The following LRRC7 variants were observed in gnomAD, a reference collection of about 807,000 sequenced individuals.
LRRC7 encodes the protein leucine-rich repeat-containing protein 7.
A neutral mutation model predicts 175.7 loss-of-function variants in LRRC7; 23 were observed. That is an observed-to-expected ratio of 0.13 (90% CI 0.09 to 0.19). LRRC7 has a LOEUF of 0.19. Ranked by LOEUF, LRRC7 falls within the 10% of genes least tolerant of loss-of-function variation. LRRC7 has a pLI of 1.00. For synonymous variants in LRRC7, 685 were observed against 680.9 expected, an observed-to-expected ratio of 1.01 and a Z score of -0.09; for missense variants, 1,354 against 1,904.7, an observed-to-expected ratio of 0.71 and a Z score of 5.38.
chr1:69,972,936 T>TTA (rs930945130), intron 8 of LRRC7, among the ~76,000 whole-genome samples: 18 of 146,324 alleles, frequency 1.2e-4, no homozygotes, highest in Admixed American at 3.5e-4. Context: ...ATATATATAT[T>TTA]TATATATATA....
intron 1 of LRRC7, among the ~76,000 whole-genome samples, chr1:69,582,076 T>A (rs1006810301): frequency 1.3e-5 from 2 of 152,044 alleles, no homozygotes; most frequent in African/African-American, 2.4e-5. Context: ...CATCTTCACA[T>A]TTTTTTTCAC....
At chr1:69,737,436 C>T (rs76798093) in intron 2 of LRRC7, among the ~76,000 whole-genome samples, 8,052 of 152,116 alleles carry the variant, frequency 0.053, 381 homozygotes, top group East Asian at 0.18. Context: ...TGTAGATGTG[C>T]GAGTCCATTA....
chr1:69,893,566 G>C lies in LRRC7; in HGVS notation c.648-37941G>C, dbSNP rs147771113. ...GGAATTGTAATTTTTATTATAAGTA[G>C]AAACTTTGTAGAAGAATTTTATACA... On this transcript the variant is annotated intron_variant, in intron 7 of 26. Transcript: ENST00000651989. Among the ~76,000 whole-genome samples, 504 of 152,118 alleles carry C rather than the reference G, an allele frequency of 3.3e-3. 2 individuals are homozygous for C. The highest frequency in any genetic ancestry group is 0.011 in the African/African-American group (477 of 41,520).
chr1:70,023,413 A>G, intron 17 of LRRC7, 39 bp downstream of exon 17: 1 of 1,507,502 alleles, frequency 6.6e-7, no homozygotes, highest in Non-Finnish European at 8.9e-7. Context: ...TCTCCCATGT[A>G]GAGGCAACCT....
chr1:69,726,857 C>T (rs1446274554), intron 2 of LRRC7, among the ~76,000 whole-genome samples: 1 of 151,938 alleles, frequency 6.6e-6, no homozygotes, highest in Non-Finnish European at 1.5e-5. Context: ...TTCATAGAAT[C>T]TGGTGGTTAA....
At chr1:69,773,362 G>A (rs1049108655) in intron 3 of LRRC7, among the ~76,000 whole-genome samples, 2 of 152,128 alleles carry the variant, frequency 1.3e-5, no homozygotes, top group Admixed American at 6.6e-5. Flanking sequence ...ATGGTTGGGA[G>A]GACTTGAGGG....
chr1:69,833,157 T>C (rs1243378772), intron 5 of LRRC7, among the ~76,000 whole-genome samples: 1 of 152,038 alleles, frequency 6.6e-6, no homozygotes, highest in East Asian at 1.9e-4. Flanking sequence ...AAATGTTAAA[T>C]TGTTTATTCA....
chr1:69,569,240 G>A (rs2100866835), intron 1 of LRRC7, among the ~76,000 whole-genome samples: 1 of 152,136 alleles, frequency 6.6e-6, no homozygotes, highest in South Asian at 2.1e-4. Flanking sequence ...GGGGACGAAG[G>A]AACATGAAAG....
At chr1:69,642,856 AT>A (rs1654438794) in intron 1 of LRRC7, among the ~76,000 whole-genome samples, 1 of 151,738 alleles carries the variant, frequency 6.6e-6, no homozygotes, top group African/African-American at 2.4e-5. Context: ...AGATAGATAG[AT>A]TATACGATTG....
chr1:69,592,063 G>A (rs1435804095), intron 1 of LRRC7, among the ~76,000 whole-genome samples: 2 of 151,980 alleles, frequency 1.3e-5, no homozygotes, highest in African/African-American at 4.8e-5. Flanking sequence ...GGAGAATAAA[G>A]GCAATTACAT....
chr1:69,713,332 G>A (rs550291723), intron 2 of LRRC7, among the ~76,000 whole-genome samples: 1 of 149,812 alleles, frequency 6.7e-6, no homozygotes, highest in Non-Finnish European at 1.5e-5. Flanking sequence ...AAAAAAAAAT[G>A]TATATATATA....
intron 8 of LRRC7, among the ~76,000 whole-genome samples, chr1:69,938,236 C>A (rs1459196788): frequency 6.6e-6 from 1 of 151,970 alleles, no homozygotes; most frequent in Admixed American, 6.6e-5. Flanking sequence ...GTAAATCAAG[C>A]AGTCGTTATA....
At chr1:70,047,802 A>G (rs955689326) in intron 22 of LRRC7, among the ~76,000 whole-genome samples, 1 of 152,032 alleles carries the variant, frequency 6.6e-6, no homozygotes. Context: ...GAAAATGCCA[A>G]CAAATATAAC....
At chr1:69,914,144 T>C (rs1646617751) in intron 7 of LRRC7, among the ~76,000 whole-genome samples, 1 of 152,226 alleles carries the variant, frequency 6.6e-6, no homozygotes, top group South Asian at 2.1e-4. Flanking sequence ...GTGAGCACAT[T>C]TGAAAAACAA....
intron 22 of LRRC7, among the ~76,000 whole-genome samples, chr1:70,050,152 C>T (rs1004363985): frequency 2.0e-5 from 3 of 152,054 alleles, no homozygotes. Context: ...TGCACTTACT[C>T]ATACAAATGT....
intron 7 of LRRC7, among the ~76,000 whole-genome samples, chr1:69,866,180 G>C (rs1380965694): frequency 6.6e-6 from 1 of 152,318 alleles, no homozygotes; most frequent in Non-Finnish European, 1.5e-5. Context: ...TGTTGTGTTT[G>C]TCTATTTTGA....
intron 25 of LRRC7, among the ~76,000 whole-genome samples, chr1:70,101,955 C>T (rs1664834303): frequency 6.6e-6 from 1 of 152,162 alleles, no homozygotes; most frequent in Admixed American, 6.6e-5. Flanking sequence ...TTGAAAGGAG[C>T]TTCCAGTACC....
In LRRC7 at chr1:70,136,109, T is replaced by TATCA. The variant is rs1324628209; in HGVS notation, c.*14223_*14226dup. Among the ~76,000 whole-genome samples the TATCA allele has an allele frequency of 6.6e-6, 1 of 151,406 alleles. No individual in the cohort carries two copies. Among genetic ancestry groups the TATCA allele is most frequent in the East Asian group, 1.9e-4 (1 of 5,170 alleles). On this transcript the variant is annotated 3_prime_UTR_variant, in exon 27 of 27. Coordinates refer to ENST00000651989, the MANE Select transcript of LRRC7 (RefSeq NM_001370785.2). The stretch of plus-strand genomic sequence containing the variant: ...TGTGTGTGTGTGTGTCTATATATCT[T>TATCA]ATCAGGCAATTTTTTTTTTTTTTGC...
chr1:69,627,346 G>A (rs1570033481), intron 1 of LRRC7, among the ~76,000 whole-genome samples: 1 of 152,130 alleles, frequency 6.6e-6, no homozygotes, highest in South Asian at 2.1e-4. Flanking sequence ...ATTTTTTCAT[G>A]TGTCTGTTGG....
Sources: gnomAD v4.1 joint callset for allele counts (sites outside exome capture counted in the v4.1 genomes callset) on GRCh38, gnomAD v4.1.1 for gene constraint, MANE v1.5 for transcripts, NCBI Gene and HGNC (gene_info 2026-07-23, HGNC 2026-07-21) for gene names.